Variants in RBFOX1 observed in about 807,000 individuals in gnomAD.
The protein encoded by RBFOX1 is RNA binding protein fox-1 homolog 1.
A neutral mutation model predicts 57.7 loss-of-function variants in RBFOX1; 8 were observed. The observed-to-expected ratio is 0.14, with a 90% CI of 0.08 to 0.25. The LOEUF is 0.25. Among genes scored for constraint, RBFOX1 ranks in the 10% least tolerant of loss-of-function variants. The pLI is 1.00. For missense variants in RBFOX1, 611 were observed against 548.5 expected (o/e 1.11, Z -1.14); for synonymous variants, 326 against 222.4 (o/e 1.47, Z -4.15).
At chr16:7,616,111 C>A (rs1281346444) in intron 10 of RBFOX1, among the ~76,000 whole-genome samples, 1 of 152,180 alleles carries the variant, frequency 6.6e-6, no homozygotes, top group African/African-American at 2.4e-5. Context: ...TGTTGGGAGT[C>A]CCCAAGACCA....
intron 3 of RBFOX1, among the ~76,000 whole-genome samples, chr16:6,714,338 G>A (rs1412835345): frequency 1.3e-5 from 2 of 152,126 alleles, no homozygotes; most frequent in Non-Finnish European, 2.9e-5. Context: ...TTATTTGGGA[G>A]GAAACACTAG....
chr16:6,730,427 A>ATC (rs2068257699), intron 3 of RBFOX1, among the ~76,000 whole-genome samples: 1 of 151,870 alleles, frequency 6.6e-6, no homozygotes, highest in Non-Finnish European at 1.5e-5. Flanking sequence ...TATCTCATCT[A>ATC]TATCTAATCT....
At chr16:7,666,905 G>A (rs540816927) in intron 13 of RBFOX1, among the ~76,000 whole-genome samples, 1 of 152,314 alleles carries the variant, frequency 6.6e-6, no homozygotes, top group East Asian at 1.9e-4. Context: ...AGCTCGGGAA[G>A]CATCAGGGTG....
At chr16:5,983,363 G>A (rs1426172942) in intron 4 of RBFOX1, among the ~76,000 whole-genome samples, 2 of 152,222 alleles carry the variant, frequency 1.3e-5, no homozygotes, top group Non-Finnish European at 2.9e-5. Flanking sequence ...TAGACGTGGA[G>A]CTTCTCCGCG....
At chr16:5,822,500 T>A (rs993743723) in intron 3 of RBFOX1, among the ~76,000 whole-genome samples, 1 of 152,176 alleles carries the variant, frequency 6.6e-6, no homozygotes, top group Non-Finnish European at 1.5e-5. Flanking sequence ...TCACTAATAA[T>A]AGTAATAAAT....
At chr16:6,788,249 T>TG (rs1295175126) in intron 3 of RBFOX1, among the ~76,000 whole-genome samples, 4 of 151,942 alleles carry the variant, frequency 2.6e-5, no homozygotes. Context: ...AATAAGCCAA[T>TG]GAGGTCTGCT....
At chr16:7,183,227 T>C (rs1378024551) in intron 4 of RBFOX1, among the ~76,000 whole-genome samples, 2 of 152,168 alleles carry the variant, frequency 1.3e-5, no homozygotes, top group African/African-American at 2.4e-5. Context: ...GGAGGTGTAC[T>C]TGATTTGGGG....
At chr16:5,314,531 C>A (rs936099986) in intron 1 of RBFOX1, among the ~76,000 whole-genome samples, 4 of 152,172 alleles carry the variant, frequency 2.6e-5, no homozygotes, top group African/African-American at 9.7e-5. Flanking sequence ...GACTGGATCT[C>A]ACTCTGTTGC....
chr16:7,332,607 G>T (rs71374941), intron 4 of RBFOX1: 74 of 231,144 alleles, frequency 3.2e-4, no homozygotes, highest in Non-Finnish European at 5.2e-4. Context: ...GCCAAATTCA[G>T]TAGGATGAGC....
At chr16:7,065,599 G>C (rs750740575) in intron 4 of RBFOX1, among the ~76,000 whole-genome samples, 1 of 152,068 alleles carries the variant, frequency 6.6e-6, no homozygotes, top group Non-Finnish European at 1.5e-5. Context: ...TTGTGAAATG[G>C]CTAAATTGAA....
rs141516975 is a variant in RBFOX1, at chr16:7,583,972, A to C, written c.415-3275A>C. 1.2e-4 allele frequency among the ~76,000 whole-genome samples: 19 copies of C among 152,314 alleles called. No homozygotes were observed. In the East Asian group the frequency reaches 3.1e-3, roughly 25 times the overall value. On this transcript the variant is annotated intron_variant, in intron 6 of 15. Transcript: ENST00000550418. ...ATTTCAAGATCACTTTTTAGTCACG[A>C]GACGGGCTTGCCTGTACTTATGACG...
chr16:5,403,701 C>G (rs887302663), intron 1 of RBFOX1, among the ~76,000 whole-genome samples: 1 of 152,160 alleles, frequency 6.6e-6, no homozygotes, highest in African/African-American at 2.4e-5. Context: ...CCGCCTCAGC[C>G]TCCCGAAGTG....
chr16:5,843,206 G>T (rs1044268522), intron 3 of RBFOX1, among the ~76,000 whole-genome samples: 3 of 152,134 alleles, frequency 2.0e-5, no homozygotes, highest in Non-Finnish European at 4.4e-5. Flanking sequence ...TCACGTCTCA[G>T]GGGTTTGTTT....
intron 3 of RBFOX1, among the ~76,000 whole-genome samples, chr16:6,872,326 C>T (rs1303509681): frequency 2.0e-5 from 3 of 152,102 alleles, no homozygotes; most frequent in Non-Finnish European, 2.9e-5. Context: ...CCCTCTCTTC[C>T]TTCCTCCCTT....
At chr16:6,478,396 T>C in intron 2 of RBFOX1, among the ~76,000 whole-genome samples, 1 of 14,648 alleles carries the variant, frequency 6.8e-5, no homozygotes, top group African/African-American at 2.8e-4. Context: ...CTAATATATA[T>C]ATATATATAT....
At chr16:6,747,082 C>G (rs1041114554) in intron 3 of RBFOX1, among the ~76,000 whole-genome samples, 2 of 152,120 alleles carry the variant, frequency 1.3e-5, no homozygotes, top group African/African-American at 4.8e-5. Flanking sequence ...CATAGCAGGT[C>G]CCTATACCAT....
At chr16:5,332,466 G>A (rs2151276924) in intron 1 of RBFOX1, among the ~76,000 whole-genome samples, 1 of 152,068 alleles carries the variant, frequency 6.6e-6, no homozygotes, top group South Asian at 2.1e-4. Flanking sequence ...GTTTCACCAT[G>A]TTGGCCAGGC....
intron 1 of RBFOX1, among the ~76,000 whole-genome samples, chr16:5,443,195 A>G (rs547165784): frequency 2.0e-5 from 3 of 152,320 alleles, no homozygotes; most frequent in East Asian, 3.9e-4. Context: ...CAGTAGTCCC[A>G]GGAGACTAAG....
chr16:6,164,759 G>T (rs983235482), intron 1 of RBFOX1, among the ~76,000 whole-genome samples: 3 of 152,030 alleles, frequency 2.0e-5, no homozygotes, highest in African/African-American at 7.2e-5. Context: ...GTGACCCACC[G>T]TGCCCAGCCT....
Sources: gnomAD v4.1 joint callset for allele counts (sites outside exome capture counted in the v4.1 genomes callset) on GRCh38, gnomAD v4.1.1 for gene constraint, MANE v1.5 for transcripts, NCBI Gene and HGNC (gene_info 2026-07-23, HGNC 2026-07-21) for gene names.